RBFOX1: variants seen among roughly 807,000 people sequenced by gnomAD.
RBFOX1 encodes RNA binding protein fox-1 homolog 1.
Under a neutral mutation model 57.7 loss-of-function variants are expected in RBFOX1, and 8 were observed. The observed-to-expected ratio is 0.14, with a 90% CI of 0.08 to 0.25. The LOEUF (loss-of-function observed/expected upper bound fraction) is 0.25, where lower values mean the gene tolerates loss of function less well. RBFOX1 is among the 10% of genes least tolerant of loss of function. The pLI, the probability that RBFOX1 is intolerant of heterozygous loss-of-function variation, is 1.00. For synonymous variants in RBFOX1, 326 were observed against 222.4 expected, an observed-to-expected ratio of 1.47 and a Z score of -4.15; for missense variants, 611 against 548.5, an observed-to-expected ratio of 1.11 and a Z score of -1.14.
At chr16:7,447,718 C>G (rs1159587861) in intron 4 of RBFOX1, among the ~76,000 whole-genome samples, 1 of 152,172 alleles carries the variant, frequency 6.6e-6, no homozygotes, top group Non-Finnish European at 1.5e-5. Context: ...CTATCCTCTT[C>G]TTTTATTAAG....
chr16:7,258,473 C>G lies in RBFOX1; in HGVS notation c.27+206375C>G, dbSNP rs544460495. Among the ~76,000 whole-genome samples, 14 of 152,218 alleles carry G rather than the reference C, an allele frequency of 9.2e-5. No homozygotes were observed. In the South Asian group the frequency reaches 2.9e-3, roughly 32 times the overall value. On this transcript the variant is annotated intron_variant, in intron 4 of 15. Coordinates refer to ENST00000550418, the MANE Select transcript of RBFOX1 (RefSeq NM_018723.4). Reference sequence around the variant, plus strand: ...TTCTATATTCTCCTAAACCCTCTCTCTCTCTCTGTCAAGGGGGGAGGCGAA... The same window carrying G: ...TTCTATATTCTCCTAAACCCTCTCTGTCTCTCTGTCAAGGGGGGAGGCGAA...
At chr16:7,421,775 C>T (rs1369689950) in intron 4 of RBFOX1, among the ~76,000 whole-genome samples, 1 of 152,214 alleles carries the variant, frequency 6.6e-6, no homozygotes, top group African/African-American at 2.4e-5. Flanking sequence ...TGGCATCGTG[C>T]TGTCGTCAGC....
chr16:6,783,422 G>C (rs1345375014), intron 3 of RBFOX1, among the ~76,000 whole-genome samples: 7 of 117,782 alleles, frequency 5.9e-5, no homozygotes, highest in Non-Finnish European at 1.2e-4. Flanking sequence ...TTTTTGCTTT[G>C]TAGTTACCAT....
chr16:6,318,366 G>A (rs1261888142), intron 2 of RBFOX1, among the ~76,000 whole-genome samples: 3 of 152,162 alleles, frequency 2.0e-5, no homozygotes, highest in East Asian at 1.9e-4. Flanking sequence ...AAGTAAAAAG[G>A]TGGGGGCTGT....
At chr16:5,596,929 A>C (rs1038583930) in intron 2 of RBFOX1, among the ~76,000 whole-genome samples, 4 of 152,194 alleles carry the variant, frequency 2.6e-5, no homozygotes, top group Non-Finnish European at 5.9e-5. Context: ...CATGAGGACC[A>C]TTCTCTGTGT....
chr16:6,861,349 A>T lies in RBFOX1; in HGVS notation c.-15-190708A>T, dbSNP rs544482336. Among the ~76,000 whole-genome samples the T allele has an allele frequency of 2.3e-4, 35 of 152,162 alleles. No homozygotes were observed. In the South Asian group the frequency reaches 6.2e-3, roughly 27 times the overall value. ...TAAGATTGTTAAGGGCAGATGAGTA[A>T]AGAGATGCAGTACCCTCAATCTACA... On this transcript the variant is annotated intron_variant, in intron 3 of 15. Coordinates refer to ENST00000550418, the MANE Select transcript of RBFOX1 (RefSeq NM_018723.4).
intron 1 of RBFOX1, among the ~76,000 whole-genome samples, chr16:5,387,623 G>C (rs1004685844): frequency 2.0e-5 from 3 of 152,208 alleles, no homozygotes; most frequent in African/African-American, 7.2e-5. Flanking sequence ...CACACCTATT[G>C]GCAAGGGAGT....
chr16:5,795,213 T>TC (rs978892280), intron 3 of RBFOX1, among the ~76,000 whole-genome samples: 35 of 152,038 alleles, frequency 2.3e-4, no homozygotes, highest in African/African-American at 8.2e-4. Flanking sequence ...CAGTTTCATA[T>TC]CCCCCCTCTC....
At chr16:5,483,753 T>C (rs1233120000) in intron 2 of RBFOX1, among the ~76,000 whole-genome samples, 3 of 152,216 alleles carry the variant, frequency 2.0e-5, no homozygotes, top group Non-Finnish European at 2.9e-5. Context: ...TGTAACAAAT[T>C]ACCCCCAAGC....
intron 3 of RBFOX1, among the ~76,000 whole-genome samples, chr16:6,819,732 T>A (rs56303844): frequency 0.62 from 45,827 of 73,798 alleles, 13,109 homozygotes; most frequent in East Asian, 0.71. Flanking sequence ...AAAAAAAAAA[T>A]AACAACACCA....
intron 4 of RBFOX1, among the ~76,000 whole-genome samples, chr16:7,184,729 A>T (rs966395442): frequency 1.3e-5 from 2 of 152,170 alleles, no homozygotes; most frequent in Non-Finnish European, 1.5e-5. Context: ...ATTTGGGGCA[A>T]TGTGGAGTTA....
At chr16:6,212,728 CA>C (rs1555553887) in intron 1 of RBFOX1, among the ~76,000 whole-genome samples, 2 of 145,330 alleles carry the variant, frequency 1.4e-5, no homozygotes, top group African/African-American at 5.0e-5. Context: ...AACAAACAAA[CA>C]AAAAAAAAAC....
At chr16:6,512,311 AAG>A (rs1205408211) in intron 2 of RBFOX1, among the ~76,000 whole-genome samples, 1 of 146,084 alleles carries the variant, frequency 6.8e-6, no homozygotes, top group Non-Finnish European at 1.5e-5. Flanking sequence ...GTAAGAGAAA[AAG>A]AGATTTATGC....
chr16:5,757,978 G>A (rs952233492), intron 3 of RBFOX1, among the ~76,000 whole-genome samples: 16 of 152,180 alleles, frequency 1.1e-4, no homozygotes, highest in South Asian at 2.1e-4. Flanking sequence ...GTACTGGTCA[G>A]CCATCACCTC....
intron 4 of RBFOX1, among the ~76,000 whole-genome samples, chr16:7,329,747 G>A (rs986986653): frequency 2.0e-5 from 3 of 152,148 alleles, no homozygotes; most frequent in African/African-American, 4.8e-5. Context: ...TTTCACACAA[G>A]ATAAGGAAGA....
chr16:7,558,358 TAA>T (rs1318502714), intron 5 of RBFOX1, among the ~76,000 whole-genome samples: 2 of 151,884 alleles, frequency 1.3e-5, no homozygotes, highest in Non-Finnish European at 2.9e-5. Context: ...TGTCTCAAAA[TAA>T]GACATACATA....
intron 3 of RBFOX1, chr16:5,616,230 AC>A (rs2048020133): frequency 1.3e-5 from 2 of 152,188 alleles, no homozygotes. Context: ...GCTTCCTGGA[AC>A]CCCAGCACCA....
intron 2 of RBFOX1, among the ~76,000 whole-genome samples, chr16:5,518,503 C>T (rs1266610875): frequency 1.3e-5 from 2 of 152,166 alleles, no homozygotes; most frequent in Non-Finnish European, 2.9e-5. Context: ...TGCTGAAGGA[C>T]AAACTAATTA....
At chr16:7,630,305 T>A (rs2060740478) in intron 10 of RBFOX1, among the ~76,000 whole-genome samples, 2 of 152,046 alleles carry the variant, frequency 1.3e-5, no homozygotes, top group South Asian at 4.1e-4. Context: ...CCCTTTTCAG[T>A]ATGCCACGCT....
Sources: gnomAD v4.1 joint callset for allele counts (sites outside exome capture counted in the v4.1 genomes callset) on GRCh38, gnomAD v4.1.1 for gene constraint, MANE v1.5 for transcripts, NCBI Gene and HGNC (gene_info 2026-07-23, HGNC 2026-07-21) for gene names.